Variants in DCDC1 observed in about 807,000 individuals in gnomAD.
DCDC1 encodes doublecortin domain containing 1.
Under a neutral mutation model 178.3 loss-of-function variants are expected in DCDC1, and 200 were observed. The ratio of observed to expected loss-of-function variants is 1.12; its 90% CI spans 1.00 to 1.26. DCDC1 has a LOEUF of 1.26. Among genes scored for constraint, DCDC1 ranks in the 50% most tolerant of loss-of-function variants. The pLI is 0.00. For synonymous variants in DCDC1, 690 were observed against 604.8 expected, an observed-to-expected ratio of 1.14 and a Z score of -2.07; for missense variants, 1,983 against 1,749.2, an observed-to-expected ratio of 1.13 and a Z score of -2.38.
Position 31,047,237 on chromosome 11 carries a change from G to T in DCDC1, c.2591+17232C>A, listed in dbSNP as rs181466769. Among the ~76,000 whole-genome samples the T allele has an allele frequency of 1.1e-4, 16 of 152,122 alleles. No homozygotes were observed. In the East Asian group the frequency reaches 2.5e-3, roughly 24 times the overall value. ...ATAACATTACATTATACAAATTAAG[G>T]TTCACACTGAAGGATGATAATGTAG... On this transcript the variant is annotated intron_variant, in intron 20 of 38. Coordinates refer to ENST00000684477, the MANE Select transcript of DCDC1 (RefSeq NM_001387274.1).
intron 6 of DCDC1, among the ~76,000 whole-genome samples, chr11:31,298,572 C>G (rs1178466163): frequency 4.6e-5 from 7 of 152,154 alleles, no homozygotes; most frequent in Non-Finnish European, 1.0e-4. Flanking sequence ...AACTTATGTT[C>G]CAACCATAGA....
chr11:30,947,413 T>A (rs1474290998), intron 21 of DCDC1, among the ~76,000 whole-genome samples: 1 of 152,032 alleles, frequency 6.6e-6, no homozygotes, highest in East Asian at 1.9e-4. Context: ...ATTCACACAT[T>A]TACAGTGAAC....
intron 9 of DCDC1, among the ~76,000 whole-genome samples, chr11:31,166,757 A>C (rs925072717): frequency 6.6e-6 from 1 of 152,224 alleles, no homozygotes; most frequent in Non-Finnish European, 1.5e-5. Flanking sequence ...TGAATCAGTG[A>C]ATTTCCCAAC....
chr11:31,097,004 C>T (rs1326535879), intron 15 of DCDC1, among the ~76,000 whole-genome samples: 2 of 152,148 alleles, frequency 1.3e-5, no homozygotes, highest in African/African-American at 2.4e-5. Context: ...TGTCTAAATG[C>T]ATACTATCAT....
chr11:31,339,955 C>A, intron 1 of DCDC1, among the ~76,000 whole-genome samples: 1 of 151,588 alleles, frequency 6.6e-6, no homozygotes, highest in Non-Finnish European at 1.5e-5. Flanking sequence ...GCATATGTAC[C>A]CATGGGACTC....
At position 30,881,243 on chromosome 11, in the gene DCDC1, A is replaced by G. The variant is rs760264720; in HGVS notation, c.5148T>C (p.Ser1716=). ...THPARALYTP[S]GEPIQSWDDI... ...CGTCCCAGGACTGAATTGGCTCTCC[A>G]CTGGGGGTGTACAGTGCTCTAGCTG... is the stretch of plus-strand genomic sequence containing the variant. Residue 1716 remains serine (S), a synonymous_variant, in exon 37 of 39, where the codon AGT becomes AGC. Coordinates refer to ENST00000684477, the MANE Select transcript of DCDC1 (RefSeq NM_001387274.1). 12 of 1,613,454 alleles carry G rather than the reference A, an allele frequency of 7.4e-6. No individual in the cohort carries two copies. Among genetic ancestry groups the G allele is most frequent in the Non-Finnish European group, 1.0e-5 (12 of 1,179,634 alleles).
intron 38 of DCDC1, among the ~76,000 whole-genome samples, chr11:30,876,198 T>A (rs1224735134): frequency 6.6e-6 from 1 of 152,194 alleles, no homozygotes; most frequent in Non-Finnish European, 1.5e-5. Context: ...TTTCAGTTGA[T>A]AGAAAAATAC....
chr11:30,973,555 G>A lies in DCDC1; in HGVS notation c.2592-20987C>T, dbSNP rs562105639. On this transcript the variant is annotated intron_variant, in intron 20 of 38. Transcript: ENST00000684477. The stretch of plus-strand genomic sequence containing the variant: ...CATATAGTCTGAAAGTAAAGGAGTC[G>A]AAAAACAGATTCCCTGAAAATGAAA... 3.5e-4 allele frequency among the ~76,000 whole-genome samples: 54 copies of A among 152,218 alleles called. 1 individual carries two copies. The South Asian group carries it at 7.1e-3, about 20-fold the overall frequency.
chr11:30,927,432 C>T (rs1946655495), intron 22 of DCDC1, among the ~76,000 whole-genome samples: 1 of 151,290 alleles, frequency 6.6e-6, no homozygotes. Flanking sequence ...AGAAAAACAC[C>T]AAAAACCTCC....
intron 11 of DCDC1, among the ~76,000 whole-genome samples, chr11:31,127,040 T>C (rs1278941311): frequency 6.6e-6 from 1 of 152,214 alleles, no homozygotes; most frequent in Non-Finnish European, 1.5e-5. Flanking sequence ...CTTGGAAATG[T>C]AGTTTGAACA....
At chr11:31,305,558 C>T (rs1948398492) in intron 6 of DCDC1, 57 bp downstream of exon 6, 3 of 1,539,912 alleles carry the variant, frequency 1.9e-6, no homozygotes, top group South Asian at 1.3e-5. Flanking sequence ...TTTTTAATTG[C>T]ACCCCTTAAG....
intron 20 of DCDC1, among the ~76,000 whole-genome samples, chr11:30,957,593 C>T (rs1289445142): frequency 1.3e-5 from 2 of 152,160 alleles, no homozygotes; most frequent in East Asian, 1.9e-4. Flanking sequence ...AAGAGAGGTG[C>T]AGTGTTGGTC....
chr11:31,301,062 C>A (rs1275830404), intron 6 of DCDC1, among the ~76,000 whole-genome samples: 1 of 152,142 alleles, frequency 6.6e-6, no homozygotes, highest in East Asian at 1.9e-4. Flanking sequence ...ATATTCTATT[C>A]TTTTATTTAC....
At chr11:31,083,146 C>T (rs534464050) in intron 17 of DCDC1, among the ~76,000 whole-genome samples, 1 of 152,082 alleles carries the variant, frequency 6.6e-6, no homozygotes, top group African/African-American at 2.4e-5. Context: ...AGTTGTCACT[C>T]CATTTTTAGC....
At chr11:30,993,796 AC>A (rs1391632124) in intron 20 of DCDC1, among the ~76,000 whole-genome samples, 3 of 152,196 alleles carry the variant, frequency 2.0e-5, no homozygotes, top group Non-Finnish European at 4.4e-5. Flanking sequence ...TCAAGACGTT[AC>A]ATTTGTAGTC....
intron 38 of DCDC1, among the ~76,000 whole-genome samples, chr11:30,866,656 C>T (rs1196281195): frequency 6.6e-6 from 1 of 152,138 alleles, no homozygotes; most frequent in Non-Finnish European, 1.5e-5. Context: ...CAGAAGGAAT[C>T]AGTGCTGCCA....
intron 1 of DCDC1, among the ~76,000 whole-genome samples, chr11:31,363,781 T>C (rs1370989533): frequency 6.6e-6 from 1 of 152,078 alleles, no homozygotes; most frequent in Non-Finnish European, 1.5e-5. Context: ...ATGACAAAAA[T>C]AAACTTTTCG....
At chr11:31,213,106 T>TCTCTCTCTCTCTCTCTCC (rs1972875461) in intron 9 of DCDC1, among the ~76,000 whole-genome samples, 1 of 21,012 alleles carries the variant, frequency 4.8e-5, no homozygotes, top group African/African-American at 1.4e-4. Flanking sequence ...CCAGCCTCTC[T>TCTCTCTCTCTCTCTCTCC]CTCTCTCTCT....
At chr11:31,135,066 G>A (rs906586361) in intron 10 of DCDC1, among the ~76,000 whole-genome samples, 16 of 152,054 alleles carry the variant, frequency 1.1e-4, no homozygotes, top group South Asian at 2.1e-4. Context: ...GTGGTTTTAC[G>A]ATGCATACGT....
Sources: gnomAD v4.1 joint callset for allele counts (sites outside exome capture counted in the v4.1 genomes callset) on GRCh38, gnomAD v4.1.1 for gene constraint, MANE v1.5 for transcripts, NCBI Gene and HGNC (gene_info 2026-07-23, HGNC 2026-07-21) for gene names.